Variants in CELSR1 observed in about 807,000 individuals in gnomAD.
CELSR1 encodes the protein cadherin EGF LAG seven-pass G-type receptor 1, also known as adhesion G protein-coupled receptor C1.
Under a neutral mutation model 249.1 loss-of-function variants are expected in CELSR1, and 110 were observed. That is an observed-to-expected ratio of 0.44 (90% CI 0.38 to 0.52). The LOEUF is 0.52. Among genes scored for constraint, CELSR1 ranks in the 20% least tolerant of loss-of-function variants. The pLI, the probability that CELSR1 is intolerant of heterozygous loss-of-function variation, is 0.00. For missense variants in CELSR1, 4,109 were observed against 4,296.4 expected (o/e 0.96, Z 1.22); for synonymous variants, 2,113 against 1,900.0 (o/e 1.11, Z -2.92).
chr22:46,399,846 G>C lies in CELSR1; in HGVS notation c.5283C>G (p.Ser1761=). ...TCACCCGCAACCCGGACAGCATCAC[G>C]GACTCCACATCGGAGGGGCCGTGGG... ...EVSHGPSDVE[S]VMLSGLRVTD... Residue 1761 remains serine (S), a synonymous_variant, in exon 10 of 35, where the codon TCC becomes TCG. Transcript: ENST00000674500. This position sits in a 1 kb window ranked among gnomAD's most constrained non-coding sequence, Gnocchi z 5.0. The C allele has an allele frequency of 6.2e-7, 1 of 1,614,138 alleles. No individual in the cohort carries two copies. The highest frequency in any genetic ancestry group is 8.5e-7 in the Non-Finnish European group (1 of 1,179,994).
intron 1 of CELSR1, among the ~76,000 whole-genome samples, chr22:46,496,572 A>T (rs760747359): frequency 1.3e-5 from 2 of 152,190 alleles, no homozygotes; most frequent in African/African-American, 2.4e-5. Context: ...TATCTCAAAA[A>T]ATATATATAT....
Position 46,428,138 on chromosome 22 carries a change from G to A in CELSR1, c.4611+5255C>T, listed in dbSNP as rs1027810038. 7.9e-5 allele frequency among the ~76,000 whole-genome samples: 12 copies of A among 152,188 alleles called. No individual in the cohort carries two copies. The highest frequency in any genetic ancestry group is 1.3e-4 in the Non-Finnish European group (9 of 68,036). ...ACATCCTCTGCTCAACAGAAGCAGAGGCCGGTCCTCCGGTTTGTTGCAACC... is the reference window on the plus strand; with the variant it reads ...ACATCCTCTGCTCAACAGAAGCAGAAGCCGGTCCTCCGGTTTGTTGCAACC... On this transcript the variant is annotated intron_variant, in intron 5 of 34. Coordinates refer to ENST00000674500, the MANE Select transcript of CELSR1 (RefSeq NM_001378328.1). This position sits in a 1 kb window ranked among gnomAD's most constrained non-coding sequence, Gnocchi z 5.7.
At chr22:46,495,475 G>C (rs952414092) in intron 1 of CELSR1, among the ~76,000 whole-genome samples, 3 of 152,204 alleles carry the variant, frequency 2.0e-5, no homozygotes, top group Non-Finnish European at 4.4e-5. Flanking sequence ...TGAAGGCCTA[G>C]GACATAACTG....
chr22:46,534,092 C>T lies in CELSR1; in HGVS notation c.3079G>A (p.Asp1027Asn). 6.2e-7 allele frequency: 1 copy of T among 1,613,770 alleles called. No homozygotes were observed. Residue 1027 changes from aspartate to asparagine, a missense_variant, in exon 1 of 35, where the codon GAT becomes AAT. By Grantham distance (23) the Asp-to-Asn change is conservative. Around this residue, in one of 7 missense-constraint regions of CELSR1, gnomAD observed 886 missense variants for 896.5 expected, o/e 0.99. Transcript: ENST00000674500. The surrounding 1 kb of genome is among the most constrained non-coding windows in gnomAD (Gnocchi z 9.7). The part of the protein sequence containing the change: ...VVAKIRANDP[D>N]EGPNAQIMYQ... ...ATGATCTGGGCATTAGGGCCTTCATCAGGGTCGTTAGCACGAATCTTTGCC... is the reference window on the plus strand; with the variant it reads ...ATGATCTGGGCATTAGGGCCTTCATTAGGGTCGTTAGCACGAATCTTTGCC...
At position 46,512,368 on chromosome 22, in the gene CELSR1, C is replaced by G. The variant is rs1335278224; in HGVS notation, c.3544+21259G>C. 2.0e-5 allele frequency among the ~76,000 whole-genome samples: 3 copies of G among 152,266 alleles called. No individual in the cohort carries two copies. Among genetic ancestry groups the G allele is most frequent in the East Asian group, 3.9e-4 (2 of 5,172 alleles). On this transcript the variant is annotated intron_variant, in intron 1 of 34. Transcript: ENST00000674500. The surrounding 1 kb of genome is among the most constrained non-coding windows in gnomAD (Gnocchi z 5.2). ...GGCGGATCACATGAGGTCAGGAGAT[C>G]GAGACCATCCTGGCCAATATGGTGA...
Position 46,410,467 on chromosome 22 carries a change from G to A in CELSR1, c.4864C>T (p.Arg1622Trp), listed in dbSNP as rs367683803. 15 of 1,613,940 alleles carry A rather than the reference G, an allele frequency of 9.3e-6. No homozygotes were observed. Among genetic ancestry groups the A allele is most frequent in the African/African-American group, 5.3e-5 (4 of 74,908 alleles). ...TTTTTGCCGTCGACTGACAGGTTCC[G>A]CATGCAGCCCACGAACTGCCGGTTG... Reference protein sequence around the residue: ...VHNRQFVGCMRNLSVDGKNVD... With the variant: ...VHNRQFVGCMWNLSVDGKNVD... Residue 1622 changes from arginine (R) to tryptophan (W), a missense_variant, in exon 7 of 35, where the codon CGG becomes TGG. By Grantham distance (101) the Arg-to-Trp change is moderately radical (BLOSUM62 -3). This residue lies in a region of CELSR1 where 453 missense variants were observed against 492.0 expected (regional missense o/e 0.92). Transcript: ENST00000674500. This position sits in a 1 kb window ranked among gnomAD's most constrained non-coding sequence, Gnocchi z 6.8.
chr22:46,536,034 G>A lies in CELSR1; in HGVS notation c.1137C>T (p.Asp379=), dbSNP rs769465265. 3 of 1,610,478 alleles carry A rather than the reference G, an allele frequency of 1.9e-6. No individual in the cohort carries two copies. Among genetic ancestry groups the A allele is most frequent in the South Asian group, 2.2e-5 (2 of 91,068 alleles). The stretch of plus-strand genomic sequence containing the variant: ...AGTTGGCGTTGATGGGCGAGTCGCG[G>A]TCGCTGGCGCGGATGGTCAGCACCT... ...GYEVLTIRAS[D]RDSPINANLR... is the part of the protein sequence containing the mutation. The change falls in exon 1 of 35, where the codon GAC becomes GAT. Residue 379 remains aspartate, a synonymous_variant. Coordinates refer to ENST00000674500, the MANE Select transcript of CELSR1 (RefSeq NM_001378328.1).
At chr22:46,531,178 C>T (rs1052106808) in intron 1 of CELSR1, among the ~76,000 whole-genome samples, 7 of 141,044 alleles carry the variant, frequency 5.0e-5, no homozygotes, top group Non-Finnish European at 7.9e-5. Flanking sequence ...GAGATTTCTG[C>T]GCATCCTTTT....
rs755580313 is a variant in CELSR1 at position 46,436,177 on chromosome 22, C to A, written c.4519G>T (p.Ala1507Ser). ...VDEQVQLTFSAGETTTTVAPK... is the reference protein window; with the variant it reads ...VDEQVQLTFSSGETTTTVAPK... ...CTTCCTGGGGAGAAGGCCCCACCTG[C>A]AGAGAAGGTGAGCTGCACCTGCTCG... The change falls in exon 4 of 35, where the codon GCA becomes TCA. Residue 1507 changes from alanine to serine, a missense_variant. This residue lies in a region of CELSR1 where 453 missense variants were observed against 492.0 expected (regional missense o/e 0.92). Transcript: ENST00000674500. This position sits in a 1 kb window ranked among gnomAD's most constrained non-coding sequence, Gnocchi z 5.9. 6.2e-7 allele frequency: 1 copy of A among 1,613,142 alleles called. No homozygotes were observed. The highest frequency in any genetic ancestry group is 8.5e-7 in the Non-Finnish European group (1 of 1,179,402).
At chr22:46,394,990 C>T (rs769873320) in intron 13 of CELSR1, among the ~76,000 whole-genome samples, 26 of 152,208 alleles carry the variant, frequency 1.7e-4, no homozygotes, top group Non-Finnish European at 2.9e-4. Flanking sequence ...CTGCCTGCAA[C>T]GGCCCCGCCC....
chr22:46,476,304 A>G (rs1165667978), intron 1 of CELSR1, among the ~76,000 whole-genome samples: 1 of 152,174 alleles, frequency 6.6e-6, no homozygotes, highest in Non-Finnish European at 1.5e-5. Context: ...TCAGCCATAA[A>G]GAGGAAGTAG....
rs199710861 is a variant in CELSR1 at position 46,380,944 on chromosome 22, C to G, written c.7100G>C (p.Arg2367Pro). 1 of 1,612,762 alleles carries G rather than the reference C, an allele frequency of 6.2e-7. No individual in the cohort carries two copies. Among genetic ancestry groups the G allele is most frequent in the Non-Finnish European group, 8.5e-7 (1 of 1,179,400 alleles). The stretch of plus-strand genomic sequence containing the variant: ...CACCATCGGGGTATTAATGATGGGC[C>G]GGTGAGGCAACCTGAGGTCAAGAAG... ...PDRRSLRLPHRPIINTPMVST... is the reference protein window; with the variant it reads ...PDRRSLRLPHPPIINTPMVST... Residue 2367 changes from arginine (R) to proline (P), a missense_variant, in exon 22 of 35, where the codon CGG becomes CCG. Physicochemically the swap from Arg to Pro is moderately radical, Grantham distance 103. Coordinates refer to ENST00000674500, the MANE Select transcript of CELSR1 (RefSeq NM_001378328.1). The surrounding 1 kb of genome is among the most constrained non-coding windows in gnomAD (Gnocchi z 5.1).
Position 46,527,721 on chromosome 22 carries a change from A to T in CELSR1, c.3544+5906T>A, listed in dbSNP as rs1316336431. Among the ~76,000 whole-genome samples, 1 of 152,198 alleles carries T rather than the reference A, an allele frequency of 6.6e-6. No individual in the cohort carries two copies. The highest frequency in any genetic ancestry group is 1.5e-5 in the Non-Finnish European group (1 of 68,040). On this transcript the variant is annotated intron_variant, in intron 1 of 34. Transcript: ENST00000674500. The surrounding 1 kb of genome is among the most constrained non-coding windows in gnomAD (Gnocchi z 5.5). Reference sequence around the variant, plus strand: ...ACTTATCAGAGCTCTGAAATGGTTAACTCATTGCCAAAAGCACTGAACTCT... The same window carrying T: ...ACTTATCAGAGCTCTGAAATGGTTATCTCATTGCCAAAAGCACTGAACTCT...
rs999630242 is a variant in CELSR1 at position 46,361,291 on chromosome 22, G to T, written c.*1932C>A. On this transcript the variant is annotated 3_prime_UTR_variant, in exon 35 of 35. Transcript: ENST00000674500. Reference sequence around the variant, plus strand: ...TCCAGTGTCTAATCTCTCCCATAAAGTCTTAAGTAATAAAAATAGGTTTAC... The same window carrying T: ...TCCAGTGTCTAATCTCTCCCATAAATTCTTAAGTAATAAAAATAGGTTTAC... The T allele has an allele frequency of 2.6e-5, 4 of 152,514 alleles. No individual in the cohort carries two copies. Among genetic ancestry groups the T allele is most frequent in the Non-Finnish European group, 5.9e-5 (4 of 68,026 alleles). The allele number at this position is 152,514 out of a possible 1,614,324, so 9.4% of individuals were successfully genotyped here. A position where few individuals can be genotyped will look rare whatever the true frequency, so the allele number is the denominator to read the frequency against.
At chr22:46,455,269 G>A (rs767353935) in intron 2 of CELSR1, among the ~76,000 whole-genome samples, 33 of 152,048 alleles carry the variant, frequency 2.2e-4, no homozygotes, top group East Asian at 3.9e-4. Context: ...TCGCTCTGTC[G>A]CCCAGGCTGG....
intron 22 of CELSR1, among the ~76,000 whole-genome samples, chr22:46,379,346 G>A (rs2078952748): frequency 6.6e-6 from 1 of 151,886 alleles, no homozygotes; most frequent in Non-Finnish European, 1.5e-5. Flanking sequence ...CAGACTCTGG[G>A]AAAAATCACA....
At chr22:46,458,095 G>A (rs556576720) in intron 2 of CELSR1, among the ~76,000 whole-genome samples, 30 of 147,034 alleles carry the variant, frequency 2.0e-4, no homozygotes, top group South Asian at 1.3e-3. Context: ...TGGGGGTGAG[G>A]GCTGCAGGGA....
Position 46,535,224 on chromosome 22 carries a change from C to T in CELSR1, c.1947G>A (p.Glu649=), listed in dbSNP as rs1478741228. 4 of 1,609,810 alleles carry T rather than the reference C, an allele frequency of 2.5e-6. No individual in the cohort carries two copies. Among genetic ancestry groups the T allele is most frequent in the Non-Finnish European group, 2.5e-6 (3 of 1,179,976 alleles). The change falls in exon 1 of 35, where the codon GAG becomes GAA. Residue 649 remains glutamate (E), a synonymous_variant. Transcript: ENST00000674500. Reference sequence around the variant, plus strand: ...CCACCCCGAAGCTGTAGTGCTCCACCTCCTCGCGGTCCAGCTCGGCACACA... The same window carrying T: ...CCACCCCGAAGCTGTAGTGCTCCACTTCCTCGCGGTCCAGCTCGGCACACA... ...ITVCAELDRE[E]VEHYSFGVEA...
chr22:46,438,660 G>A (rs181189983), intron 3 of CELSR1, among the ~76,000 whole-genome samples: 2 of 152,334 alleles, frequency 1.3e-5, no homozygotes, highest in Admixed American at 6.5e-5. Flanking sequence ...TATTGGAGGT[G>A]GAGAGGATAG....
Sources: allele counts gnomAD v4.1 joint callset (sites outside exome capture counted in the v4.1 genomes callset), GRCh38; gene constraint gnomAD v4.1.1; regional missense constraint gnomAD v4.1.1; non-coding constraint Gnocchi (gnomAD v3.1); transcripts MANE v1.5; gene names NCBI Gene and HGNC (gene_info 2026-07-23, HGNC 2026-07-21).